FNIP1: variants seen among roughly 807,000 people sequenced by gnomAD.
FNIP1 encodes folliculin interacting protein 1, also known as folliculin-interacting protein 1.
Under a neutral mutation model 124.5 loss-of-function variants are expected in FNIP1, and 40 were observed. The ratio of observed to expected loss-of-function variants is 0.32; its 90% confidence interval spans 0.25 to 0.42. The LOEUF (loss-of-function observed/expected upper bound fraction) is 0.42, where lower values mean the gene tolerates loss of function less well. Among genes scored for constraint, FNIP1 ranks in the 10% least tolerant of loss-of-function variants. The pLI, the probability that FNIP1 is intolerant of heterozygous loss-of-function variation, is 1.00. For synonymous variants in FNIP1, 472 were observed against 470.6 expected, an observed-to-expected ratio of 1.00 and a Z score of -0.04; for missense variants, 1,176 against 1,403.7, an observed-to-expected ratio of 0.84 and a Z score of 2.59.
intron 1 of FNIP1, among the ~76,000 whole-genome samples, chr5:131,785,703 T>TA (rs1179252096): frequency 1.3e-5 from 2 of 152,010 alleles, no homozygotes. Flanking sequence ...GGCATTTCGT[T>TA]AAAAAAAATT....
intron 11 of FNIP1, among the ~76,000 whole-genome samples, chr5:131,683,515 T>C (rs1022442804): frequency 7.2e-6 from 1 of 137,978 alleles, no homozygotes; most frequent in African/African-American, 2.8e-5. Context: ...ACTGCGCCAC[T>C]GCACTCCAGC....
chr5:131,714,089 G>T (rs553040371), intron 6 of FNIP1, among the ~76,000 whole-genome samples: 52 of 152,312 alleles, frequency 3.4e-4, no homozygotes, highest in African/African-American at 1.1e-3. Context: ...CCACATTTGT[G>T]CAAGGACACA....
At chr5:131,729,808 C>T (rs1770015681) in intron 3 of FNIP1, among the ~76,000 whole-genome samples, 1 of 151,788 alleles carries the variant, frequency 6.6e-6, no homozygotes, top group Admixed American at 6.6e-5. Flanking sequence ...TGCAATGGCG[C>T]AATCTTGGGT....
intron 15 of FNIP1, among the ~76,000 whole-genome samples, chr5:131,667,694 T>C (rs1349174717): frequency 6.6e-6 from 1 of 152,216 alleles, no homozygotes; most frequent in Admixed American, 6.5e-5. Context: ...ATTCAAGTGA[T>C]TCTCCTGCCT....
chr5:131,732,461 A>G (rs1267326153), intron 2 of FNIP1, among the ~76,000 whole-genome samples: 1 of 152,218 alleles, frequency 6.6e-6, no homozygotes, highest in Non-Finnish European at 1.5e-5. Flanking sequence ...TTATGGTTTT[A>G]GGTCTAACAT....
At chr5:131,790,478 CAAAAAAAAAA>C (rs56699008) in intron 1 of FNIP1, among the ~76,000 whole-genome samples, 4 of 70,594 alleles carry the variant, frequency 5.7e-5, no homozygotes, top group East Asian at 5.7e-4. Flanking sequence ...GAACCTGTCT[CAAAAAAAAAA>C]AAAAAAAAAA....
chr5:131,651,928 T>C lies in FNIP1; in HGVS notation c.3180A>G (p.Gln1060=). 1 of 1,614,200 alleles carries C rather than the reference T, an allele frequency of 6.2e-7. No homozygotes were observed. The highest frequency in any genetic ancestry group is 1.3e-5 in the African/African-American group (1 of 75,074). Residue 1060 remains glutamine, a synonymous_variant, in exon 16 of 18, where the codon CAA becomes CAG. Transcript: ENST00000510461. ...IIADMDKWTV[Q]VASSQRRVTD... ...TCACTCGTCTCTGGCTACTGGCCACTTGAACAGTCCATTTATCCATGTCAG... is the reference window on the plus strand; with the variant it reads ...TCACTCGTCTCTGGCTACTGGCCACCTGAACAGTCCATTTATCCATGTCAG...
At chr5:131,768,465 G>GTT (rs34123871) in intron 1 of FNIP1, among the ~76,000 whole-genome samples, 1 of 148,368 alleles carries the variant, frequency 6.7e-6, no homozygotes. Context: ...GTCATACACA[G>GTT]TTTTTTTTTT....
intron 11 of FNIP1, among the ~76,000 whole-genome samples, chr5:131,683,577 C>T (rs955765458): frequency 2.0e-5 from 3 of 149,088 alleles, no homozygotes; most frequent in African/African-American, 7.4e-5. Context: ...AAAAAACCAT[C>T]TCTAGAGTAC....
intron 3 of FNIP1, among the ~76,000 whole-genome samples, chr5:131,722,074 T>A (rs1190126207): frequency 6.6e-6 from 1 of 152,214 alleles, no homozygotes; most frequent in African/African-American, 2.4e-5. Flanking sequence ...AGATTTAGAA[T>A]AATTTTTATA....
intron 5 of FNIP1, among the ~76,000 whole-genome samples, chr5:131,717,538 G>C (rs1769510990): frequency 1.3e-5 from 2 of 152,132 alleles, no homozygotes; most frequent in African/African-American, 2.4e-5. Flanking sequence ...TTATCTGTTA[G>C]GGAGAGGTGG....
chr5:131,677,494 C>T (rs746626294), intron 13 of FNIP1: 60 of 465,934 alleles, frequency 1.3e-4, no homozygotes, highest in Non-Finnish European at 2.2e-4. Context: ...TCCTCTTGCT[C>T]TACCTGCAGT....
chr5:131,674,008 C>A (rs1429172848), intron 13 of FNIP1, among the ~76,000 whole-genome samples: 1 of 151,916 alleles, frequency 6.6e-6, no homozygotes, highest in Non-Finnish European at 1.5e-5. Context: ...TGCACTCCAG[C>A]CTGGGCAACA....
chr5:131,795,251 C>G (rs1032849210), intron 1 of FNIP1, among the ~76,000 whole-genome samples: 2 of 152,166 alleles, frequency 1.3e-5, no homozygotes, highest in African/African-American at 4.8e-5. Flanking sequence ...CTGCTACTTG[C>G]TCTATCTCGT....
Position 131,710,604 on chromosome 5 carries a change from A to G in FNIP1, c.680T>C (p.Leu227Pro). 1 of 1,613,972 alleles carries G rather than the reference A, an allele frequency of 6.2e-7. No homozygotes were observed. The highest frequency in any genetic ancestry group is 8.5e-7 in the Non-Finnish European group (1 of 1,179,972). ...RAFSEQGPLR[L>P]IRSASFFAVH... ...TGCAAAGAAAGAGGCGCTCCTGATC[A>G]GGCGGAGCGGACCCTGCTCAGAGAA... Residue 227 changes from leucine (L) to proline (P), a missense_variant, in exon 7 of 18, where the codon CTG becomes CCG. Leu to Pro is a moderately conservative substitution (Grantham distance 98). Around this residue, in one of 2 missense-constraint regions of FNIP1, gnomAD observed 1,109 missense variants for 1,288.5 expected, o/e 0.86. Coordinates refer to ENST00000510461, the MANE Select transcript of FNIP1 (RefSeq NM_133372.3).
chr5:131,751,205 T>C (rs1770862614), intron 1 of FNIP1, among the ~76,000 whole-genome samples: 1 of 152,176 alleles, frequency 6.6e-6, no homozygotes, highest in Non-Finnish European at 1.5e-5. Context: ...GTACAAGCCA[T>C]GTCTTCTACC....
chr5:131,737,535 G>C lies in FNIP1; in HGVS notation c.220-6497C>G, dbSNP rs144871801. 4.4e-3 allele frequency among the ~76,000 whole-genome samples: 673 copies of C among 152,184 alleles called. 12 individuals carry two copies. Among genetic ancestry groups the C allele is most frequent in the African/African-American group, 0.016 (654 of 41,502 alleles). The stretch of plus-strand genomic sequence containing the variant: ...ACTCTTAACGCATTTTTCCCCCATA[G>C]TCTAAGCTTAAAATATCACTTTCTT... On this transcript the variant is annotated intron_variant, in intron 2 of 17. Transcript: ENST00000510461.
At chr5:131,708,429 C>G (rs922793622) in intron 8 of FNIP1, among the ~76,000 whole-genome samples, 5 of 152,208 alleles carry the variant, frequency 3.3e-5, no homozygotes, top group Admixed American at 6.5e-5. Flanking sequence ...ATGCTGCTCT[C>G]TGGGCCCCAA....
At chr5:131,730,770 T>C in intron 3 of FNIP1, 134 bp downstream of exon 3, 1 of 582,340 alleles carries the variant, frequency 1.7e-6, no homozygotes, top group Non-Finnish European at 2.8e-6. Context: ...CATAATTGTT[T>C]ATCTGTCTCT....
Sources: allele counts gnomAD v4.1 joint callset (sites outside exome capture counted in the v4.1 genomes callset), GRCh38; gene constraint gnomAD v4.1.1; regional missense constraint gnomAD v4.1.1; transcripts MANE v1.5; gene names NCBI Gene and HGNC (gene_info 2026-07-23, HGNC 2026-07-21).